The following IL3RA variants were observed in gnomAD, a reference collection of about 807,000 sequenced individuals.
IL3RA encodes the protein interleukin-3 receptor subunit alpha.
IL3RA carries 73 observed loss-of-function variants against 52.3 expected under a neutral mutation model. That is an observed-to-expected ratio of 1.40 (90% CI 1.16 to 1.70). The LOEUF (loss-of-function observed/expected upper bound fraction) is 1.70, where lower values mean the gene tolerates loss of function less well. Among genes scored for constraint, IL3RA ranks in the 40% most tolerant of loss-of-function variants. The probability of loss-of-function intolerance (pLI) is 0.00; values close to 1 mark genes in which losing one functional copy is unlikely to be tolerated. For synonymous variants in IL3RA, 260 were observed against 194.0 expected (o/e 1.34, Z -2.83); for missense variants, 664 against 504.4 (o/e 1.32, Z -3.03).
At chrX:1,358,743 C>T in intron 7 of IL3RA, 118 bp from the exon 8 acceptor site, 1 of 1,055,376 alleles carries the variant, frequency 9.5e-7, no homozygotes, top group African/African-American at 1.6e-5. Context: ...GCCCGAAGGC[C>T]TTCCCAGAGC....
At chrX:1,366,706 T>G (rs1301126779) in intron 9 of IL3RA, among the ~76,000 whole-genome samples, 1 of 6,498 alleles carries the variant, frequency 1.5e-4, no homozygotes, top group Non-Finnish European at 2.2e-4. Context: ...GTGCGCGGGG[T>G]GAGCGGGGTG....
At chrX:1,378,169 C>T (rs371503763) in intron 9 of IL3RA, among the ~76,000 whole-genome samples, 1 of 138,754 alleles carries the variant, frequency 7.2e-6, no homozygotes, top group African/African-American at 2.7e-5. Flanking sequence ...GGCGACAAAA[C>T]GAGACTCCAT....
At chrX:1,347,839 C>T (rs1322411695) in intron 3 of IL3RA, among the ~76,000 whole-genome samples, 3 of 148,558 alleles carry the variant, frequency 2.0e-5, no homozygotes, top group East Asian at 2.0e-4. Flanking sequence ...GAGATCGAGA[C>T]CCTCCTGGCT....
intron 9 of IL3RA, among the ~76,000 whole-genome samples, chrX:1,373,838 G>T (rs2149187447): frequency 1.3e-5 from 1 of 74,080 alleles, no homozygotes. Flanking sequence ...ACCCTGTGAG[G>T]ACACAGGGAG....
intron 1 of IL3RA, among the ~76,000 whole-genome samples, chrX:1,337,130 C>G (rs2085349887): frequency 6.6e-6 from 1 of 152,196 alleles, no homozygotes; most frequent in Non-Finnish European, 1.5e-5. Flanking sequence ...CTCATTCACC[C>G]TTTTGTAAGT....
intron 3 of IL3RA, among the ~76,000 whole-genome samples, chrX:1,346,213 T>A (rs1490827648): frequency 2.0e-5 from 3 of 151,798 alleles, no homozygotes; most frequent in African/African-American, 7.3e-5. Context: ...CTGAGGCGGA[T>A]GGATCACCTG....
chrX:1,376,955 C>A (rs2088791415), intron 9 of IL3RA, among the ~76,000 whole-genome samples: 1 of 143,246 alleles, frequency 7.0e-6, no homozygotes, highest in African/African-American at 2.7e-5. Context: ...AGACCTCCAG[C>A]CTCCAGGGCT....
In IL3RA at chrX:1,348,518, T is replaced by C. The variant is rs1453648712; in HGVS notation, c.271T>C (p.Ser91Pro). 1.2e-6 allele frequency: 2 copies of C among 1,613,476 alleles called. No homozygotes were observed. The highest frequency in any genetic ancestry group is 2.2e-5 in the East Asian group (1 of 44,884). ...YTVRVANPPF[S>P]TWILFPENSG... is the part of the protein sequence containing the mutation. ...CGTCCGAGTGGCCAACCCACCATTC[T>C]CCACGTGGATCCTCTTCCCTGAGAA... The change falls in exon 4 of 12, where the codon TCC becomes CCC. Residue 91 changes from serine (S) to proline (P), a missense_variant. Transcript: ENST00000331035.
At chrX:1,365,873 G>C (rs868572498) in intron 9 of IL3RA, among the ~76,000 whole-genome samples, 2 of 31,036 alleles carry the variant, frequency 6.4e-5, no homozygotes, top group African/African-American at 3.0e-4. Context: ...GGGTGCGCGG[G>C]GTGAGCCGGG....
chrX:1,356,753 C>G (rs1338001552), intron 7 of IL3RA, among the ~76,000 whole-genome samples: 3 of 148,514 alleles, frequency 2.0e-5, no homozygotes, highest in African/African-American at 7.5e-5. Context: ...GCCTGGGCGA[C>G]AGAGCGAGAC....
chrX:1,362,592 T>G (rs1290148017), intron 8 of IL3RA, among the ~76,000 whole-genome samples: 1 of 152,052 alleles, frequency 6.6e-6, no homozygotes, highest in Non-Finnish European at 1.5e-5. Flanking sequence ...TCTCTCTGTC[T>G]CTCCCTGTCT....
chrX:1,355,650 G>T (rs1471270262), intron 6 of IL3RA, among the ~76,000 whole-genome samples: 5 of 151,604 alleles, frequency 3.3e-5, no homozygotes, highest in Non-Finnish European at 7.4e-5. Flanking sequence ...ACATCCCCTG[G>T]GGGGCGGAGG....
chrX:1,348,629 TTTTC>T, intron 4 of IL3RA, 84 bp downstream of exon 4: 3 of 819,072 alleles, frequency 3.7e-6, no homozygotes, highest in Middle Eastern at 5.1e-4. Flanking sequence ...GCTGTGTCTT[TTTTC>T]TTTTCTTTTT....
intron 4 of IL3RA, among the ~76,000 whole-genome samples, chrX:1,350,497 G>A (rs1391007963): frequency 4.0e-5 from 6 of 151,374 alleles, no homozygotes; most frequent in African/African-American, 1.2e-4. Flanking sequence ...GCTGAGGCAG[G>A]AGAATCACTT....
intron 4 of IL3RA, among the ~76,000 whole-genome samples, chrX:1,348,822 TTC>T (rs201966845): frequency 0.071 from 9,942 of 140,032 alleles, 581 homozygotes; most frequent in African/African-American, 0.13. Context: ...CCCTCCCTCC[TTC>T]TCTCCTTTTC....
At chrX:1,347,690 T>G (rs1405383910) in intron 3 of IL3RA, among the ~76,000 whole-genome samples, 1 of 151,574 alleles carries the variant, frequency 6.6e-6, no homozygotes, top group African/African-American at 2.4e-5. Flanking sequence ...GAAAAGTATT[T>G]CACTAATATT....
At chrX:1,358,759 C>G (rs2086928034) in intron 7 of IL3RA, 102 bp from the exon 8 acceptor site, 2 of 1,301,104 alleles carry the variant, frequency 1.5e-6, no homozygotes, top group Admixed American at 1.7e-5. Context: ...AGAGCCCTCA[C>G]TGTTTTGCTG....
chrX:1,345,547 T>C, intron 3 of IL3RA, 113 bp downstream of exon 3: 3 of 634,434 alleles, frequency 4.7e-6, no homozygotes, highest in Non-Finnish European at 7.2e-6. Context: ...TGGACTGCGG[T>C]GACCCGATCT....
chrX:1,346,654 C>T (rs1207258312), intron 3 of IL3RA, among the ~76,000 whole-genome samples: 2 of 148,348 alleles, frequency 1.3e-5, no homozygotes, highest in Non-Finnish European at 2.9e-5. Flanking sequence ...AGTGTGTGCT[C>T]AGGAAACAAG....
Sources: gnomAD v4.1 joint callset for allele counts (sites outside exome capture counted in the v4.1 genomes callset) on GRCh38, gnomAD v4.1.1 for gene constraint, MANE v1.5 for transcripts, NCBI Gene and HGNC (gene_info 2026-07-23, HGNC 2026-07-21) for gene names.